Variants in VPS35 observed in about 807,000 individuals in gnomAD.
VPS35 encodes VPS35 retromer complex component.
Under a neutral mutation model 98.1 loss-of-function variants are expected in VPS35, and 21 were observed. That is an observed-to-expected ratio of 0.21 (90% CI 0.15 to 0.31). The LOEUF (loss-of-function observed/expected upper bound fraction) is 0.31, where lower values mean the gene tolerates loss of function less well. Among genes scored for constraint, VPS35 ranks in the 10% least tolerant of loss-of-function variants. The probability of loss-of-function intolerance (pLI) is 1.00; values close to 1 mark genes in which losing one functional copy is unlikely to be tolerated. For synonymous variants in VPS35, 268 were observed against 318.2 expected (o/e 0.84, Z 1.68); for missense variants, 554 against 950.8 (o/e 0.58, Z 5.49).
intron 13 of VPS35, among the ~76,000 whole-genome samples, chr16:46,665,964 C>T (rs1470234377): frequency 2.6e-5 from 4 of 152,106 alleles, no homozygotes; most frequent in Non-Finnish European, 4.4e-5. Flanking sequence ...AGTGCAGTGG[C>T]GCGATCTCAG....
At chr16:46,674,207 G>A (rs1966108341) in intron 10 of VPS35, 107 bp downstream of exon 10, 1 of 1,266,382 alleles carries the variant, frequency 7.9e-7, no homozygotes, top group African/African-American at 1.5e-5. Context: ...CTTAATGCAT[G>A]ATTAAAACAA....
chr16:46,688,390 G>C (rs1966357529), intron 1 of VPS35: 1 of 987,056 alleles, frequency 1.0e-6, no homozygotes, highest in Non-Finnish European at 1.2e-6. Context: ...ACCACGATTT[G>C]CTGCCGTCAT....
chr16:46,671,631 A>C, intron 12 of VPS35, 74 bp downstream of exon 12: 1 of 1,588,852 alleles, frequency 6.3e-7, no homozygotes, highest in Non-Finnish European at 8.6e-7. Context: ...AAAGTGAATT[A>C]AACCATTTTA....
At chr16:46,673,422 A>G (rs1966096304) in intron 10 of VPS35, 1 of 152,292 alleles carries the variant, frequency 6.6e-6, no homozygotes, top group Non-Finnish European at 1.5e-5. Context: ...AACCACTGGA[A>G]GGGAGATAGA....
At chr16:46,688,198 C>T in intron 1 of VPS35, 3 of 525,808 alleles carry the variant, frequency 5.7e-6, no homozygotes, top group Non-Finnish European at 7.3e-6. Context: ...TTTACAGAAG[C>T]CTATCTACAC....
rs781534743 is a variant in VPS35 at position 46,679,060 on chromosome 16, T to G, written c.603A>C (p.Gly201=). Residue 201 remains glycine (G), a synonymous_variant, in exon 6 of 17, where the codon GGA becomes GGC. Coordinates refer to ENST00000299138, the MANE Select transcript of VPS35 (RefSeq NM_018206.6). ...NKLWVRMQHQ[G]HSRDREKRER... The stretch of plus-strand genomic sequence containing the variant: ...CTCTTTTTTCTCTATCTCGGCTATG[T>G]CCCTGATGCTGCATTCGCACCCAGA... The G allele has an allele frequency of 6.2e-7, 1 of 1,614,150 alleles. No individual in the cohort carries two copies. Among genetic ancestry groups the G allele is most frequent in the South Asian group, 1.1e-5 (1 of 91,082 alleles).
intron 5 of VPS35, among the ~76,000 whole-genome samples, chr16:46,679,838 G>A (rs1161919129): frequency 1.3e-5 from 2 of 152,030 alleles, no homozygotes; most frequent in Non-Finnish European, 2.9e-5. Flanking sequence ...ATTGTTAAAT[G>A]TTTTATCTTT....
rs1190520351 is a variant in VPS35, at chr16:46,663,154, T to C, written c.1656A>G (p.Lys552=). 2 of 1,613,808 alleles carry C rather than the reference T, an allele frequency of 1.2e-6. No homozygotes were observed. The highest frequency in any genetic ancestry group is 1.7e-6 in the Non-Finnish European group (2 of 1,179,812). ...RYKENSKVDD[K]WEKKCQKIFS... ...AAATCTTCTGGCATTTCTTTTCCCA[T>C]TTGTCATCCTAAAACAAGAAAAAAC... The change falls in exon 14 of 17, where the codon AAA becomes AAG. Residue 552 remains lysine, a synonymous_variant. Coordinates refer to ENST00000299138, the MANE Select transcript of VPS35 (RefSeq NM_018206.6).
chr16:46,681,801 T>C, intron 3 of VPS35: 1 of 539,388 alleles, frequency 1.9e-6, no homozygotes. Flanking sequence ...AAAATCTAAG[T>C]ATTAAAGAAC....
At chr16:46,668,309 C>T (rs574356421) in intron 13 of VPS35, among the ~76,000 whole-genome samples, 3 of 152,246 alleles carry the variant, frequency 2.0e-5, no homozygotes, top group African/African-American at 4.8e-5. Context: ...ACACAAGAAT[C>T]GCTTGAACCC....
intron 5 of VPS35, among the ~76,000 whole-genome samples, chr16:46,680,126 TA>T (rs1234767768): frequency 1.3e-5 from 2 of 152,212 alleles, no homozygotes; most frequent in Non-Finnish European, 2.9e-5. Context: ...TGCTGTGGGA[TA>T]AAAGTACAGT....
At position 46,662,435 on chromosome 16, in the gene VPS35, T is replaced by C; in HGVS notation, c.1875A>G (p.Leu625=). 5.0e-6 allele frequency: 8 copies of C among 1,614,242 alleles called. No individual in the cohort carries two copies. Among genetic ancestry groups the C allele is most frequent in the Middle Eastern group, 1.6e-4 (1 of 6,062 alleles). ...TGCCAATGATCAAGGTGATGGCAGC[T>C]AGCTGTGCTTTGGAATCGCTGATTT... ...EDEISDSKAQ[L]AAITLIIGTF... Residue 625 remains leucine (L), a synonymous_variant, in exon 15 of 17, where the codon CTA becomes CTG. Transcript: ENST00000299138.
chr16:46,674,367 A>C lies in VPS35; in HGVS notation c.1107T>G (p.Val369=). ...CCACTGTTGTTTCTAGAACTTTATC[A>C]ACATAGTCCACACGATCAGGGTAAC... is the stretch of plus-strand genomic sequence containing the variant. ...MKCYPDRVDY[V]DKVLETTVEI... The change falls in exon 10 of 17, where the codon GTT becomes GTG. Residue 369 remains valine (V), a synonymous_variant. Transcript: ENST00000299138. 1 of 1,614,102 alleles carries C rather than the reference A, an allele frequency of 6.2e-7. No homozygotes were observed. Among genetic ancestry groups the C allele is most frequent in the Non-Finnish European group, 8.5e-7 (1 of 1,180,008 alleles).
In VPS35 at chr16:46,670,984, T is replaced by C. The variant is rs554092114; in HGVS notation, c.1524+721A>G. 1.8e-4 allele frequency among the ~76,000 whole-genome samples: 27 copies of C among 152,208 alleles called. No homozygotes were observed. The East Asian group carries it at 5.2e-3, about 29-fold the overall frequency. On this transcript the variant is annotated intron_variant, in intron 12 of 16. Transcript: ENST00000299138. ...CCCAAACAATAATTAAGCAGCCAAC[T>C]GTGCTAACCCTTCACTAAAATAAAC...
At position 46,674,598 on chromosome 16, in the gene VPS35, T is replaced by A. The variant is rs2143007770; in HGVS notation, c.977A>T (p.Asp326Val). 4 of 1,611,846 alleles carry A rather than the reference T, an allele frequency of 2.5e-6. No homozygotes were observed. The highest frequency in any genetic ancestry group is 3.4e-6 in the Non-Finnish European group (4 of 1,179,226). ...PGIPADIKLF[D>V]IFSQQVATVI... Reference sequence around the variant, plus strand: ...TGTAGCCACCTGCTGTGAAAATATATCAAAAAGTTTAATATCCGCTGGGAT... The same window carrying A: ...TGTAGCCACCTGCTGTGAAAATATAACAAAAAGTTTAATATCCGCTGGGAT... Residue 326 changes from aspartate (D) to valine (V), a missense_variant, in exon 9 of 17, where the codon GAT becomes GTT. Transcript: ENST00000299138.
chr16:46,668,304 A>C (rs1966018182), intron 13 of VPS35, among the ~76,000 whole-genome samples: 1 of 152,196 alleles, frequency 6.6e-6, no homozygotes, highest in African/African-American at 2.4e-5. Flanking sequence ...CTGACACACA[A>C]GAATCGCTTG....
At chr16:46,671,562 C>T (rs967463043) in intron 12 of VPS35, 143 bp downstream of exon 12, 14 of 1,230,216 alleles carry the variant, frequency 1.1e-5, no homozygotes, top group African/African-American at 4.5e-5. Flanking sequence ...ACCTCCGCCT[C>T]CCAGGTTCAA....
Position 46,662,462 on chromosome 16 carries a change from AT to A in VPS35, c.1847del (p.Asp616ValfsTer10). On this transcript the variant is annotated frameshift_variant, in exon 15 of 17. Coordinates refer to ENST00000299138, the MANE Select transcript of VPS35 (RefSeq NM_018206.6). LOFTEE classifies it high-confidence loss of function. ...FMSQAFSLYE[D>X]EISDSKAQLA... ...GCTGTGCTTTGGAATCGCTGATTTC[AT>A]CTTCATACAGAGAAAATGCCTAGTG... is the stretch of plus-strand genomic sequence containing the variant. 6.2e-7 allele frequency: 1 copy of A among 1,614,136 alleles called. No individual in the cohort carries two copies. Among genetic ancestry groups the A allele is most frequent in the Non-Finnish European group, 8.5e-7 (1 of 1,180,038 alleles).
At chr16:46,669,761 C>T (rs1359595531) in intron 12 of VPS35, among the ~76,000 whole-genome samples, 1 of 151,988 alleles carries the variant, frequency 6.6e-6, no homozygotes, top group Non-Finnish European at 1.5e-5. Flanking sequence ...ATACTTATTA[C>T]ATGTGTGGCC....
Sources: gnomAD v4.1 joint callset for allele counts (sites outside exome capture counted in the v4.1 genomes callset) on GRCh38, gnomAD v4.1.1 for gene constraint, MANE v1.5 for transcripts, NCBI Gene and HGNC (gene_info 2026-07-23, HGNC 2026-07-21) for gene names.